GART: variants seen among roughly 807,000 people sequenced by gnomAD.
The protein encoded by GART is phosphoribosylglycinamide formyltransferase, phosphoribosylglycinamide synthetase, phosphoribosylaminoimidazole synthetase.
In GART, 43 loss-of-function variants were observed where a neutral mutation model predicts 107.2. The ratio of observed to expected loss-of-function variants is 0.40; its 90% CI spans 0.31 to 0.52. The LOEUF (loss-of-function observed/expected upper bound fraction) is 0.52. GART is among the 20% of genes least tolerant of loss of function. The pLI, the probability that GART is intolerant of heterozygous loss-of-function variation, is 0.52. For synonymous variants in GART, 434 were observed against 427.0 expected, an observed-to-expected ratio of 1.02 and a Z score of -0.20; for missense variants, 1,107 against 1,206.5, an observed-to-expected ratio of 0.92 and a Z score of 1.22.
chr21:33,541,911 T>C (rs960256307), intron 1 of GART, among the ~76,000 whole-genome samples, 154 bp downstream of exon 1: 6 of 152,064 alleles, frequency 3.9e-5, no homozygotes, highest in Non-Finnish European at 7.4e-5. Flanking sequence ...CAGTAGCAAG[T>C]GAAAAGCACA....
At chr21:33,520,877 G>T in intron 13 of GART, 29 bp downstream of exon 13, 1 of 1,458,574 alleles carries the variant, frequency 6.9e-7, no homozygotes, top group Non-Finnish European at 9.4e-7. Flanking sequence ...TTTCCTAAAA[G>T]GCCTTTATTC....
chr21:33,538,444 G>A (rs550097187), intron 2 of GART, among the ~76,000 whole-genome samples: 1 of 151,778 alleles, frequency 6.6e-6, no homozygotes, highest in Non-Finnish European at 1.5e-5. Flanking sequence ...CATTGCCCTG[G>A]CTAGTCTCAA....
rs1171332646 is a variant in GART at position 33,529,017 on chromosome 21, G to C, written c.724-80C>G. 3 of 861,718 alleles carry C rather than the reference G, an allele frequency of 3.5e-6. No homozygotes were observed. The African/African-American group carries it at 5.1e-5, about 15-fold the overall frequency. 53.4% of individuals were successfully genotyped at this position (861,718 alleles called of 1,614,324 possible). A position where few individuals can be genotyped will look rare whatever the true frequency, so the allele number is the denominator to read the frequency against. On this transcript the variant is annotated intron_variant, in intron 7 of 21. Transcript: ENST00000381815. ...AGTATTACATGGGACAACAGAAGGG[G>C]ATGATGAGGATAACTCATTTTTTTA... is the stretch of plus-strand genomic sequence containing the variant.
At chr21:33,525,245 A>G (rs1664383786) in intron 10 of GART, among the ~76,000 whole-genome samples, 1 of 152,014 alleles carries the variant, frequency 6.6e-6, no homozygotes, top group Non-Finnish European at 1.5e-5. Context: ...TAAATAAATA[A>G]TAATAGCCAA....
intron 4 of GART, among the ~76,000 whole-genome samples, chr21:33,533,900 G>A (rs966967851): frequency 2.0e-5 from 3 of 151,244 alleles, no homozygotes; most frequent in Non-Finnish European, 3.0e-5. Context: ...GAGAGGCCCC[G>A]TCTCAGGTTG....
rs771436045 is a variant in GART, at chr21:33,517,042, C to G, written c.2054G>C (p.Gly685Ala). The change falls in exon 16 of 22, where the codon GGA becomes GCA. Residue 685 changes from glycine (G) to alanine (A), a missense_variant. Gly to Ala is a moderately conservative substitution (Grantham distance 60, BLOSUM62 0). Coordinates refer to ENST00000381815, the MANE Select transcript of GART (RefSeq NM_000819.5). ...GACTCTGGGGATGTTCTCTAGTAAT[C>G]CTCCACCAGTAATATGGGCAAAGGC... ...VKAFAHITGG[G>A]LLENIPRVLP... 4.3e-6 allele frequency: 7 copies of G among 1,613,944 alleles called. No individual in the cohort carries two copies. In the Middle Eastern group the frequency reaches 5.0e-4, roughly 114 times the overall value.
chr21:33,507,537 G>A (rs961520962), intron 18 of GART, among the ~76,000 whole-genome samples: 1 of 152,106 alleles, frequency 6.6e-6, no homozygotes, highest in Admixed American at 6.6e-5. Flanking sequence ...ATAACTGGAA[G>A]AGGCTGGATG....
chr21:33,540,348 T>G (rs759901719), intron 1 of GART, among the ~76,000 whole-genome samples: 3 of 152,246 alleles, frequency 2.0e-5, no homozygotes, highest in Non-Finnish European at 4.4e-5. Context: ...GATACTATAA[T>G]TTGAATTTCA....
At position 33,528,206 on chromosome 21, in the gene GART, C is replaced by A. The variant is rs183180859; in HGVS notation, c.1027G>T (p.Gly343Cys). The A allele has an allele frequency of 1.4e-4, 228 of 1,613,904 alleles. No homozygotes were observed. In the Admixed American group the frequency reaches 3.0e-3, roughly 21 times the overall value. The change falls in exon 10 of 22, where the codon GGT becomes TGT. Residue 343 changes from glycine (G) to cysteine (C), a missense_variant. By Grantham distance (159) the Gly-to-Cys change is radical (BLOSUM62 -3). Transcript: ENST00000381815. ...TALTVVMASK[G>C]YPGDYTKGVE... The stretch of plus-strand genomic sequence containing the variant: ...CCCTTGGTGTAGTCTCCAGGATAAC[C>A]TTTACTTGCCATGACAACAGTTAGG...
upstream of GART, chr21:33,542,342 G>A (rs904746649): frequency 6.6e-6 from 1 of 152,368 alleles, no homozygotes; most frequent in Admixed American, 6.5e-5. Flanking sequence ...GTTTCCAGGA[G>A]CGCCGGGGGG....
rs2145713024 is a variant in GART, at chr21:33,520,433, G to A, written c.1633C>T (p.Leu545Phe). Residue 545 changes from leucine to phenylalanine, a missense_variant, in exon 14 of 22, where the codon CTC (leucine) becomes TTC (phenylalanine). By Grantham distance (22) the Leu-to-Phe change is conservative. Coordinates refer to ENST00000381815, the MANE Select transcript of GART (RefSeq NM_000819.5). ...LDYFSCGKLD[L>F]SVTEAVVAGI... ...GCAACAACAGCTTCAGTTACACTGAGGTCAAGTTTTCCACAGGAAAAGTAA... is the reference window on the plus strand; with the variant it reads ...GCAACAACAGCTTCAGTTACACTGAAGTCAAGTTTTCCACAGGAAAAGTAA... 1.9e-6 allele frequency: 3 copies of A among 1,614,168 alleles called. No individual in the cohort carries two copies. The highest frequency in any genetic ancestry group is 1.3e-5 in the African/African-American group (1 of 75,060).
chr21:33,515,052 AT>A (rs915530309), intron 16 of GART, among the ~76,000 whole-genome samples: 2 of 151,820 alleles, frequency 1.3e-5, no homozygotes, highest in Admixed American at 6.6e-5. Flanking sequence ...TAACTAATCT[AT>A]TTTTTTTCTG....
intron 11 of GART, 132 bp downstream of exon 11, chr21:33,524,637 C>T: frequency 6.9e-7 from 1 of 1,442,984 alleles, no homozygotes; most frequent in Non-Finnish European, 9.1e-7. Flanking sequence ...AAACAAAATA[C>T]AAACCAAGAC....
intron 9 of GART, 78 bp downstream of exon 9, chr21:33,528,441 T>C (rs1454448662): frequency 1.1e-5 from 17 of 1,545,248 alleles, no homozygotes; most frequent in Non-Finnish European, 1.4e-5. Flanking sequence ...CCAAAGGTAA[T>C]TACTTCCAGG....
At chr21:33,527,554 C>T (rs145484563) in intron 10 of GART, among the ~76,000 whole-genome samples, 8 of 151,974 alleles carry the variant, frequency 5.3e-5, no homozygotes, top group East Asian at 1.9e-4. Context: ...TACTGGAGCA[C>T]GGAGAGTGGC....
intron 11 of GART, 76 bp from the exon 12 acceptor site, chr21:33,522,358 A>G: frequency 8.9e-7 from 1 of 1,126,962 alleles, no homozygotes; most frequent in Non-Finnish European, 1.3e-6. Flanking sequence ...TTTAAAGCAG[A>G]AGATATCCCA....
intron 6 of GART, chr21:33,531,250 C>A: frequency 2.1e-6 from 1 of 465,586 alleles, no homozygotes; most frequent in Non-Finnish European, 3.8e-6. Flanking sequence ...TGAATTAATC[C>A]AGAACCTCAA....
chr21:33,516,719 C>G (rs1193989626), intron 16 of GART, among the ~76,000 whole-genome samples: 1 of 152,086 alleles, frequency 6.6e-6, no homozygotes, highest in Non-Finnish European at 1.5e-5. Context: ...CTTAATAGAG[C>G]TTGAAGTTAC....
At chr21:33,523,772 GC>G (rs1254418481) in intron 11 of GART, among the ~76,000 whole-genome samples, 11 of 151,926 alleles carry the variant, frequency 7.2e-5, no homozygotes, top group African/African-American at 2.7e-4. Flanking sequence ...TTCGAGACCA[GC>G]CCGGCCAACA....
Sources: gnomAD v4.1 joint callset for allele counts (sites outside exome capture counted in the v4.1 genomes callset) on GRCh38, gnomAD v4.1.1 for gene constraint, MANE v1.5 for transcripts, NCBI Gene and HGNC (gene_info 2026-07-23, HGNC 2026-07-21) for gene names.